The following BIRC6 variants were observed in gnomAD, a reference collection of about 807,000 sequenced individuals.
The protein encoded by BIRC6 is dual E2 ubiquitin-conjugating enzyme/E3 ubiquitin-protein ligase BIRC6.
A neutral mutation model predicts 503.3 loss-of-function variants in BIRC6; 98 were observed. That is an observed-to-expected ratio of 0.19 (90% CI 0.17 to 0.23). The LOEUF (loss-of-function observed/expected upper bound fraction) is 0.23, where lower values mean the gene tolerates loss of function less well. Ranked by LOEUF, BIRC6 falls within the 10% of genes least tolerant of loss-of-function variation. BIRC6 has a pLI of 1.00. For synonymous variants in BIRC6, 2,240 were observed against 2,078.7 expected, an observed-to-expected ratio of 1.08 and a Z score of -2.11; for missense variants, 5,360 against 5,806.0, an observed-to-expected ratio of 0.92 and a Z score of 2.50.
At chr2:32,535,531 A>C (rs1008307223) in intron 61 of BIRC6, among the ~76,000 whole-genome samples, 1 of 151,810 alleles carries the variant, frequency 6.6e-6, no homozygotes. Context: ...TTCAATTCCC[A>C]CCTATGAGTG....
At chr2:32,502,179 T>C (rs899788519) in intron 47 of BIRC6, among the ~76,000 whole-genome samples, 1 of 152,156 alleles carries the variant, frequency 6.6e-6, no homozygotes, top group Non-Finnish European at 1.5e-5. Context: ...AAAAGTAGCA[T>C]AGTGTAATAC....
At chr2:32,391,584 T>C (rs2039241191) in intron 4 of BIRC6, among the ~76,000 whole-genome samples, 1 of 152,254 alleles carries the variant, frequency 6.6e-6, no homozygotes, top group South Asian at 2.1e-4. Flanking sequence ...TATTTTCCTG[T>C]TTTCTTTGTC....
chr2:32,579,499 G>A lies in BIRC6; in HGVS notation c.13355+4133G>A, dbSNP rs137893667. Among the ~76,000 whole-genome samples, 434 of 152,164 alleles carry A rather than the reference G, an allele frequency of 2.9e-3. 7 individuals carry two copies. The highest frequency in any genetic ancestry group is 0.01 in the African/African-American group (424 of 41,508). ...AGCCGGGAGTTCAAGACCAGCCTTGGCAACATAGGGAGACCCTGTCTCTAC... is the reference window on the plus strand; with the variant it reads ...AGCCGGGAGTTCAAGACCAGCCTTGACAACATAGGGAGACCCTGTCTCTAC... On this transcript the variant is annotated intron_variant, in intron 66 of 73. Coordinates refer to ENST00000421745, the MANE Select transcript of BIRC6 (RefSeq NM_016252.4).
chr2:32,389,114 A>T (rs2038884489), intron 4 of BIRC6, among the ~76,000 whole-genome samples, 171 bp downstream of exon 4: 1 of 152,250 alleles, frequency 6.6e-6, no homozygotes, highest in Non-Finnish European at 1.5e-5. Context: ...ACCAGATTTA[A>T]AGTAAACTGC....
At chr2:32,434,998 A>T (rs2044542328) in intron 13 of BIRC6, among the ~76,000 whole-genome samples, 1 of 152,188 alleles carries the variant, frequency 6.6e-6, no homozygotes, top group African/African-American at 2.4e-5. Flanking sequence ...GGACTGGAAC[A>T]TCTGTGGATT....
At chr2:32,549,629 T>G (rs2058300788) in intron 65 of BIRC6, 148 bp downstream of exon 65, 5 of 628,206 alleles carry the variant, frequency 8.0e-6, no homozygotes, top group Non-Finnish European at 9.5e-6. Context: ...TTGGTGCCCT[T>G]AATTTGATAC....
chr2:32,448,952 A>G, intron 22 of BIRC6, 24 bp downstream of exon 22: 1 of 1,597,858 alleles, frequency 6.3e-7, no homozygotes, highest in Non-Finnish European at 8.5e-7. Flanking sequence ...TTATTAAAGG[A>G]AATTCTGAAT....
chr2:32,370,598 T>TA (rs1265931410), intron 1 of BIRC6, among the ~76,000 whole-genome samples: 2 of 152,224 alleles, frequency 1.3e-5, no homozygotes, highest in Admixed American at 1.3e-4. Flanking sequence ...ACTATAGTGT[T>TA]ACTAACATTT....
At chr2:32,439,824 T>C (rs2045203102) in intron 16 of BIRC6, 138 bp downstream of exon 16, 1 of 664,962 alleles carries the variant, frequency 1.5e-6, no homozygotes, top group East Asian at 3.1e-5. Context: ...GTCTTTGGAG[T>C]GACTTAAATA....
Position 32,610,355 on chromosome 2 carries a change from T to A in BIRC6, c.14260-1093T>A, listed in dbSNP as rs189252462. Among the ~76,000 whole-genome samples, 404 of 152,298 alleles carry A rather than the reference T, an allele frequency of 2.7e-3. 6 individuals are homozygous for A. The highest frequency in any genetic ancestry group is 9.5e-3 in the African/African-American group (395 of 41,560). ...ATATGTTGGTAGAAATTTTACTCAG[T>A]TTTTCAAAGATAGAATTGAAAGATA... is the stretch of plus-strand genomic sequence containing the variant. On this transcript the variant is annotated intron_variant, in intron 72 of 73. Coordinates refer to ENST00000421745, the MANE Select transcript of BIRC6 (RefSeq NM_016252.4).
At chr2:32,447,650 G>C (rs1291450927) in intron 21 of BIRC6, among the ~76,000 whole-genome samples, 4 of 123,834 alleles carry the variant, frequency 3.2e-5, no homozygotes, top group Non-Finnish European at 7.0e-5. Flanking sequence ...GGCCGGGCAG[G>C]GGGCTGACCC....
At chr2:32,405,509 A>G (rs2041103252) in intron 8 of BIRC6, among the ~76,000 whole-genome samples, 1 of 152,166 alleles carries the variant, frequency 6.6e-6, no homozygotes, top group Non-Finnish European at 1.5e-5. Flanking sequence ...CATATTCTGT[A>G]TAAAATAACA....
At chr2:32,590,412 T>A (rs1258593871) in intron 66 of BIRC6, among the ~76,000 whole-genome samples, 1 of 152,218 alleles carries the variant, frequency 6.6e-6, no homozygotes, top group Non-Finnish European at 1.5e-5. Context: ...TTGCAGTATG[T>A]TTAGCTTAGA....
At chr2:32,402,217 G>A (rs1246031521) in intron 8 of BIRC6, among the ~76,000 whole-genome samples, 5 of 152,194 alleles carry the variant, frequency 3.3e-5, no homozygotes, top group African/African-American at 7.2e-5. Context: ...TTGTGGTGGG[G>A]TGGGAGAGTC....
intron 71 of BIRC6, among the ~76,000 whole-genome samples, chr2:32,603,443 G>A (rs998234416): frequency 6.6e-6 from 1 of 152,178 alleles, no homozygotes; most frequent in Non-Finnish European, 1.5e-5. Context: ...GAAAAGGAGA[G>A]GGGGCACAGG....
At chr2:32,495,924 G>A (rs546345199) in intron 45 of BIRC6, among the ~76,000 whole-genome samples, 1 of 149,924 alleles carries the variant, frequency 6.7e-6, no homozygotes, top group African/African-American at 2.4e-5. Flanking sequence ...TGCAAGCGCC[G>A]CCTCCTGGGT....
At chr2:32,594,953 A>T (rs2061590940) in intron 67 of BIRC6, 81 bp from the exon 68 acceptor site, 9 of 858,978 alleles carry the variant, frequency 1.0e-5, no homozygotes, top group Non-Finnish European at 1.5e-5. Flanking sequence ...TGAACTCTAG[A>T]GGTGAATTCT....
At chr2:32,450,178 T>A (rs2046528474) in intron 22 of BIRC6, among the ~76,000 whole-genome samples, 1 of 152,098 alleles carries the variant, frequency 6.6e-6, no homozygotes, top group Non-Finnish European at 1.5e-5. Flanking sequence ...AACAAGGAAT[T>A]TAGAAATCAT....
intron 61 of BIRC6, among the ~76,000 whole-genome samples, chr2:32,540,747 C>A (rs191894754): frequency 6.6e-6 from 1 of 152,020 alleles, no homozygotes; most frequent in African/African-American, 2.4e-5. Context: ...GATGCCTAAG[C>A]CTGTGGTGGT....
Sources: allele counts gnomAD v4.1 joint callset (sites outside exome capture counted in the v4.1 genomes callset), GRCh38; gene constraint gnomAD v4.1.1; transcripts MANE v1.5; gene names NCBI Gene and HGNC (gene_info 2026-07-23, HGNC 2026-07-21).